The following HPSE2 variants were observed in gnomAD, a reference collection of about 807,000 sequenced individuals.
The protein encoded by HPSE2 is heparanase 2 (inactive), also known as inactive heparanase-2.
HPSE2 carries 38 observed loss-of-function variants against 60.5 expected under a neutral mutation model. That is an observed-to-expected ratio of 0.63 (90% confidence interval 0.48 to 0.82). The LOEUF is 0.82. HPSE2 is among the 40% of genes least tolerant of loss of function. HPSE2 has a pLI of 0.00. For missense variants in HPSE2, 713 were observed against 740.4 expected (o/e 0.96, Z 0.43); for synonymous variants, 295 against 293.2 (o/e 1.01, Z -0.06).
chr10:98,974,830 T>C (rs1956048039), intron 3 of HPSE2, among the ~76,000 whole-genome samples: 1 of 152,144 alleles, frequency 6.6e-6, no homozygotes, highest in African/African-American at 2.4e-5. Context: ...CAACACTAAC[T>C]AAAGATTGTA....
intron 9 of HPSE2, among the ~76,000 whole-genome samples, chr10:98,585,404 T>A (rs1944911721): frequency 1.3e-5 from 2 of 151,664 alleles, no homozygotes; most frequent in South Asian, 4.2e-4. Context: ...CCCAAGTAGC[T>A]GGGATTACAG....
intron 3 of HPSE2, among the ~76,000 whole-genome samples, chr10:99,000,589 A>G (rs1956755528): frequency 6.6e-6 from 1 of 152,148 alleles, no homozygotes; most frequent in South Asian, 2.1e-4. Flanking sequence ...CTGGGAAAAG[A>G]CTATTTGATT....
chr10:98,865,284 G>A (rs1195954206), intron 3 of HPSE2, among the ~76,000 whole-genome samples: 1 of 152,046 alleles, frequency 6.6e-6, no homozygotes, highest in Non-Finnish European at 1.5e-5. Flanking sequence ...AAATTGGTAA[G>A]TCACTAAATG....
At chr10:98,581,098 G>T (rs1340192486) in intron 9 of HPSE2, among the ~76,000 whole-genome samples, 1 of 151,388 alleles carries the variant, frequency 6.6e-6, no homozygotes, top group African/African-American at 2.4e-5. Context: ...GTGCCAACAC[G>T]CCTGGCTAAT....
the HPSE2 span, among the ~76,000 whole-genome samples, chr10:99,272,707 A>G: frequency 6.6e-6 from 1 of 152,246 alleles, no homozygotes; most frequent in Admixed American, 6.5e-5. Context: ...AATGCAAATC[A>G]AAACCACAAT....
At chr10:98,757,533 C>A (rs1949906065) in intron 3 of HPSE2, among the ~76,000 whole-genome samples, 1 of 151,910 alleles carries the variant, frequency 6.6e-6, no homozygotes, top group Non-Finnish European at 1.5e-5. Context: ...TTCTATACAC[C>A]AACATTGTCC....
intron 3 of HPSE2, among the ~76,000 whole-genome samples, chr10:99,138,727 C>T (rs886705358): frequency 1.3e-5 from 2 of 152,098 alleles, no homozygotes; most frequent in African/African-American, 4.8e-5. Flanking sequence ...GAACATCACA[C>T]ACCAGGGCCT....
At chr10:98,779,106 G>A (rs1012607924) in intron 3 of HPSE2, among the ~76,000 whole-genome samples, 8 of 151,970 alleles carry the variant, frequency 5.3e-5, no homozygotes, top group South Asian at 2.1e-4. Flanking sequence ...CTCCTCTTTC[G>A]GTTACTAGGC....
chr10:99,048,238 C>T (rs1957905026), intron 3 of HPSE2: 1 of 562,078 alleles, frequency 1.8e-6, no homozygotes, highest in Non-Finnish European at 3.3e-6. Context: ...TTGGAAAATG[C>T]TTCAAAGAAG....
chr10:99,164,815 G>C (rs1239172253), intron 2 of HPSE2, among the ~76,000 whole-genome samples: 1 of 152,164 alleles, frequency 6.6e-6, no homozygotes, highest in Non-Finnish European at 1.5e-5. Flanking sequence ...ACGAGGTCAG[G>C]TGGCTCACGC....
chr10:99,203,616 C>T (rs1589816640), intron 2 of HPSE2, among the ~76,000 whole-genome samples: 1 of 152,120 alleles, frequency 6.6e-6, no homozygotes, highest in African/African-American at 2.4e-5. Flanking sequence ...GACTGGCCCC[C>T]ACAGACACAG....
chr10:98,864,370 AGAAC>A (rs1272944057), intron 3 of HPSE2, among the ~76,000 whole-genome samples: 2 of 152,120 alleles, frequency 1.3e-5, no homozygotes, highest in Non-Finnish European at 2.9e-5. Flanking sequence ...CCTTTGGAGG[AGAAC>A]GAACCATTGT....
intron 5 of HPSE2, among the ~76,000 whole-genome samples, chr10:98,708,786 A>G (rs975819139): frequency 2.0e-5 from 3 of 152,224 alleles, no homozygotes; most frequent in African/African-American, 7.2e-5. Flanking sequence ...CTCTTTTTAG[A>G]AAGACCTCAT....
intron 6 of HPSE2, among the ~76,000 whole-genome samples, chr10:98,693,419 A>G (rs1403712021): frequency 6.6e-6 from 1 of 152,082 alleles, no homozygotes; most frequent in African/African-American, 2.4e-5. Flanking sequence ...CTTCATCTTG[A>G]TACTCTTTTT....
intron 2 of HPSE2, among the ~76,000 whole-genome samples, chr10:99,170,549 T>C (rs547174314): frequency 6.6e-6 from 1 of 152,194 alleles, no homozygotes; most frequent in African/African-American, 2.4e-5. Flanking sequence ...GCCCTCCTCA[T>C]AGTATTGACC....
intron 9 of HPSE2, among the ~76,000 whole-genome samples, chr10:98,561,038 A>G (rs1485267513): frequency 6.6e-6 from 1 of 152,210 alleles, no homozygotes; most frequent in African/African-American, 2.4e-5. Context: ...AGCCTCAGGC[A>G]GATCCTCCAG....
chr10:99,010,299 G>C (rs1956983192), intron 3 of HPSE2, among the ~76,000 whole-genome samples: 1 of 152,050 alleles, frequency 6.6e-6, no homozygotes, highest in African/African-American at 2.4e-5. Flanking sequence ...AACATACTTG[G>C]GGAAAAATGA....
chr10:99,107,677 ACATTTAATTTT>A lies in HPSE2; in HGVS notation c.610+36550_610+36560del, dbSNP rs572257704. Among the ~76,000 whole-genome samples, 221 of 152,312 alleles carry A rather than the reference ACATTTAATTTT, an allele frequency of 1.5e-3. 2 individuals are homozygous for A. In the East Asian group the frequency reaches 0.038, roughly 26 times the overall value. On this transcript the variant is annotated intron_variant, in intron 3 of 11. Coordinates refer to ENST00000370552, the MANE Select transcript of HPSE2 (RefSeq NM_021828.5). ...CCATGGCACCATTATACCTATATACACATTTAATTTTCAGTTAATAAATGACTGACTGATAA... is the reference window on the plus strand; with the variant it reads ...CCATGGCACCATTATACCTATATACACAGTTAATAAATGACTGACTGATAA...
chr10:98,511,555 G>GGTGCGT (rs1942397153), intron 9 of HPSE2, among the ~76,000 whole-genome samples: 1 of 140,734 alleles, frequency 7.1e-6, no homozygotes, highest in Non-Finnish European at 1.6e-5. Flanking sequence ...ACATAACTAT[G>GGTGCGT]GTGTGTGTGT....
Sources: allele counts gnomAD v4.1 joint callset (sites outside exome capture counted in the v4.1 genomes callset), GRCh38; gene constraint gnomAD v4.1.1; transcripts MANE v1.5; gene names NCBI Gene and HGNC (gene_info 2026-07-23, HGNC 2026-07-21).